Variants in PIGB observed in about 807,000 individuals in gnomAD.
PIGB encodes the protein GPI alpha-1,2-mannosyltransferase 3.
Under a neutral mutation model 68.4 loss-of-function variants are expected in PIGB, and 58 were observed. That is an observed-to-expected ratio of 0.85 (90% CI 0.69 to 1.06). PIGB has a LOEUF of 1.06. PIGB is among the 50% of genes least tolerant of loss of function. The pLI, the probability that PIGB is intolerant of heterozygous loss-of-function variation, is 0.00. For missense variants in PIGB, 634 were observed against 655.8 expected, an observed-to-expected ratio of 0.97 and a Z score of 0.36; for synonymous variants, 219 against 220.5, an observed-to-expected ratio of 0.99 and a Z score of 0.06.
intron 6 of PIGB, among the ~76,000 whole-genome samples, chr15:55,336,822 T>C (rs1485464424): frequency 6.6e-6 from 1 of 152,082 alleles, no homozygotes; most frequent in Non-Finnish European, 1.5e-5. Flanking sequence ...ACCCTGTCTC[T>C]GCTAAAAATA....
At position 55,355,356 on chromosome 15, in the gene PIGB, A is replaced by T; in HGVS notation, c.1589A>T (p.Glu530Val). Residue 530 changes from glutamate to valine, a missense_variant, in exon 12 of 12, where the codon GAG (glutamate) becomes GTG (valine). Transcript: ENST00000164305. Reference protein sequence around the residue: ...TAVFFHTHLPEGRIGSHIYVY... With the variant: ...TAVFFHTHLPVGRIGSHIYVY... ...GTTTTCTTCCACACTCACTTGCCAG[A>T]GGGTCGAATTGGAAGTCACATATAT... The T allele has an allele frequency of 6.2e-7, 1 of 1,610,922 alleles. No individual in the cohort carries two copies. Among genetic ancestry groups the T allele is most frequent in the Non-Finnish European group, 8.5e-7 (1 of 1,177,270 alleles).
intron 5 of PIGB, among the ~76,000 whole-genome samples, chr15:55,331,812 G>A (rs1254002120): frequency 1.3e-5 from 2 of 151,950 alleles, no homozygotes; most frequent in Non-Finnish European, 2.9e-5. Flanking sequence ...TTAAAGCGTT[G>A]GGATTACAGG....
intron 9 of PIGB, among the ~76,000 whole-genome samples, chr15:55,347,769 T>G (rs2055827369): frequency 6.6e-6 from 1 of 152,122 alleles, no homozygotes; most frequent in Admixed American, 6.6e-5. Context: ...CATCCTAAAA[T>G]GAGCTAAGCT....
intron 5 of PIGB, among the ~76,000 whole-genome samples, chr15:55,332,201 C>A (rs1595780536): frequency 1.3e-5 from 2 of 151,684 alleles, no homozygotes; most frequent in Non-Finnish European, 2.9e-5. Context: ...TCTTGAACTC[C>A]TGACCTAGTG....
At chr15:55,324,936 A>G (rs2055245762) in intron 3 of PIGB, 2 of 374,904 alleles carry the variant, frequency 5.3e-6, no homozygotes, top group Non-Finnish European at 7.4e-6. Flanking sequence ...TTATTTACAC[A>G]TTGTGGACAA....
At chr15:55,352,491 A>G (rs1323402518) in intron 10 of PIGB, among the ~76,000 whole-genome samples, 1 of 152,196 alleles carries the variant, frequency 6.6e-6, no homozygotes, top group Non-Finnish European at 1.5e-5. Flanking sequence ...TTTCCTACAG[A>G]AAATTATATA....
At chr15:55,341,009 G>C (rs1212194969) in intron 8 of PIGB, among the ~76,000 whole-genome samples, 186 bp downstream of exon 8, 1 of 151,660 alleles carries the variant, frequency 6.6e-6, no homozygotes. Context: ...TATGTAGTTT[G>C]CTTAATAAGG....
At chr15:55,333,660 A>G (rs1353993861) in intron 5 of PIGB, among the ~76,000 whole-genome samples, 1 of 152,212 alleles carries the variant, frequency 6.6e-6, no homozygotes, top group African/African-American at 2.4e-5. Context: ...TGCACCTGGG[A>G]GGCAGAAGTT....
At position 55,322,991 on chromosome 15, in the gene PIGB, A is replaced by T. The variant is rs537153616; in HGVS notation, c.417+1601A>T. 2.0e-5 allele frequency among the ~76,000 whole-genome samples: 3 copies of T among 152,184 alleles called. No homozygotes were observed. In the East Asian group the frequency reaches 5.8e-4, roughly 29 times the overall value. The stretch of plus-strand genomic sequence containing the variant: ...TAGAAAAATTTCCTGCTCCTCCAAG[A>T]CCTATCCACTGCCCTCCATCTGTAG... On this transcript the variant is annotated intron_variant, in intron 3 of 11. Coordinates refer to ENST00000164305, the MANE Select transcript of PIGB (RefSeq NM_004855.5).
At chr15:55,337,261 T>A (rs1344956204) in intron 6 of PIGB, among the ~76,000 whole-genome samples, 5 of 152,164 alleles carry the variant, frequency 3.3e-5, no homozygotes, top group South Asian at 2.1e-4. Flanking sequence ...ATACACTATT[T>A]TGGAAAACTT....
intron 3 of PIGB, among the ~76,000 whole-genome samples, chr15:55,321,650 T>C (rs996343531): frequency 9.7e-5 from 12 of 124,284 alleles, no homozygotes; most frequent in Admixed American, 4.9e-4. Context: ...TTCTTTCTTT[T>C]TTTTTTTTTT....
rs372158001 is a variant in PIGB at position 55,327,576 on chromosome 15, G to C, written c.463G>C (p.Asp155His). 5.6e-6 allele frequency: 9 copies of C among 1,612,386 alleles called. No homozygotes were observed. In the African/African-American group the frequency reaches 1.1e-4, roughly 19 times the overall value. The change falls in exon 4 of 12, where the codon GAT (aspartate) becomes CAT (histidine). Residue 155 changes from aspartate (D) to histidine (H), a missense_variant. Asp to His is a moderately conservative substitution (Grantham distance 81). Transcript: ENST00000164305. ...LAQALLSAVADVRLYSLMKQL... is the reference protein window; with the variant it reads ...LAQALLSAVAHVRLYSLMKQL... ...CCAAGCACTTCTGTCTGCTGTAGCA[G>C]ATGTGAGACTTTACTCATTAATGAA...
At chr15:55,329,624 C>T in intron 4 of PIGB, 100 bp from the exon 5 acceptor site, 2 of 981,526 alleles carry the variant, frequency 2.0e-6, no homozygotes, top group Non-Finnish European at 3.0e-6. Context: ...TTTTGATGTC[C>T]TTTTCACAAT....
chr15:55,341,850 T>A, intron 9 of PIGB, 48 bp downstream of exon 9: 2 of 760,844 alleles, frequency 2.6e-6, no homozygotes, highest in Non-Finnish European at 2.0e-6. Flanking sequence ...AGAAATAGTC[T>A]AAAGACAACA....
chr15:55,346,798 G>A (rs1275635476), intron 9 of PIGB: 1 of 152,248 alleles, frequency 6.6e-6, no homozygotes, highest in Non-Finnish European at 1.5e-5. Flanking sequence ...CTGGAATCTT[G>A]TTCATTTGTT....
chr15:55,350,647 A>T, intron 9 of PIGB, 52 bp from the exon 10 acceptor site: 1 of 1,116,162 alleles, frequency 9.0e-7, no homozygotes, highest in Non-Finnish European at 1.3e-6. Flanking sequence ...TTTGCAGTTA[A>T]CATAACAAAA....
intron 9 of PIGB, among the ~76,000 whole-genome samples, chr15:55,342,475 C>T (rs942096109): frequency 1.3e-5 from 2 of 152,174 alleles, no homozygotes; most frequent in Non-Finnish European, 2.9e-5. Flanking sequence ...ACTGCAACCT[C>T]CACCTCCCTG....
intron 5 of PIGB, 80 bp downstream of exon 5, chr15:55,329,934 A>G (rs1294977535): frequency 4.0e-6 from 4 of 991,422 alleles, no homozygotes; most frequent in Admixed American, 2.5e-5. Flanking sequence ...TGTAATGTCT[A>G]GTAGACCCCC....
intron 9 of PIGB, among the ~76,000 whole-genome samples, chr15:55,342,131 A>C (rs1333546805): frequency 1.3e-5 from 2 of 152,318 alleles, no homozygotes; most frequent in Non-Finnish European, 2.9e-5. Context: ...CTCAAAAAAC[A>C]GACAAACAAA....
Sources: gnomAD v4.1 joint callset for allele counts (sites outside exome capture counted in the v4.1 genomes callset) on GRCh38, gnomAD v4.1.1 for gene constraint, MANE v1.5 for transcripts, NCBI Gene and HGNC (gene_info 2026-07-23, HGNC 2026-07-21) for gene names.